DIMT1: variants seen among roughly 807,000 people sequenced by gnomAD.
DIMT1 encodes DIM1 rRNA methyltransferase and ribosome maturation factor.
Under a neutral mutation model 43.2 loss-of-function variants are expected in DIMT1, and 36 were observed. The ratio of observed to expected loss-of-function variants is 0.83; its 90% confidence interval spans 0.64 to 1.10. DIMT1 has a LOEUF of 1.10. Among genes scored for constraint, DIMT1 ranks in the 50% least tolerant of loss-of-function variants. The pLI is 0.00. For missense variants in DIMT1, 341 were observed against 385.3 expected (o/e 0.88, Z 0.96); for synonymous variants, 126 against 130.3 (o/e 0.97, Z 0.22).
At chr5:62,393,905 C>T (rs775193773) in intron 8 of DIMT1, 50 bp downstream of exon 8, 15 of 1,530,048 alleles carry the variant, frequency 9.8e-6, no homozygotes, top group Middle Eastern at 1.9e-4. Flanking sequence ...CACATCTTCC[C>T]GCCTGGACTT....
In DIMT1 at chr5:62,403,560, CA is replaced by C. The variant is rs916095269; in HGVS notation, c.79+133del. 261 of 1,120,502 alleles carry C rather than the reference CA, an allele frequency of 2.3e-4. 1 individual carries two copies. The highest frequency in any genetic ancestry group is 6.6e-4 in the Admixed American group (27 of 41,056). The allele number at this position is 1,120,502 out of a possible 1,614,324, so 69.4% of individuals were successfully genotyped here. ...AGGGCCTGCGGCCGAGTCGGGGACC[CA>C]CCCCTGCCTTCCGCGCTCACGGGAG... On this transcript the variant is annotated intron_variant, in intron 1 of 11. Transcript: ENST00000199320.
At chr5:62,399,006 TTCCTTTAATTATAC>T in intron 3 of DIMT1, 125 bp from the exon 4 acceptor site, 2 of 808,900 alleles carry the variant, frequency 2.5e-6, no homozygotes, top group East Asian at 5.4e-5. Context: ...ACCATCAATA[TTCCTTTAATTATAC>T]TCGCATACTT....
At position 62,388,051 on chromosome 5, in the gene DIMT1, C is replaced by T. The variant is rs999895594; in HGVS notation, c.*959G>A. ...GCACTTAGTATTATATTGACTTAAA[C>T]ATAGTAGCTAATAAAACTAGTTTAT... On this transcript the variant is annotated 3_prime_UTR_variant, in exon 12 of 12. Coordinates refer to ENST00000199320, the MANE Select transcript of DIMT1 (RefSeq NM_014473.4). The T allele has an allele frequency of 6.6e-6, 1 of 152,022 alleles. No homozygotes were observed. The highest frequency in any genetic ancestry group is 2.4e-5 in the African/African-American group (1 of 41,382). The allele number at this position is 152,022 out of a possible 1,614,324, so 9.4% of individuals were successfully genotyped here.
chr5:62,397,629 C>A (rs1426142314), intron 6 of DIMT1, among the ~76,000 whole-genome samples: 6 of 151,670 alleles, frequency 4.0e-5, no homozygotes, highest in Non-Finnish European at 5.9e-5. Flanking sequence ...CTGCTGATTT[C>A]TTTGGGATAT....
At chr5:62,401,961 CAT>C in intron 3 of DIMT1, 73 bp downstream of exon 3, 2 of 1,393,962 alleles carry the variant, frequency 1.4e-6, no homozygotes, top group Non-Finnish European at 2.0e-6. Flanking sequence ...TTAGTTAAAA[CAT>C]ATTTAGATTG....
At chr5:62,398,269 A>T (rs153855) in intron 6 of DIMT1, among the ~76,000 whole-genome samples, 1 of 151,992 alleles carries the variant, frequency 6.6e-6, no homozygotes, top group East Asian at 1.9e-4. Flanking sequence ...TCTAACCTAG[A>T]CTTAACGGCA....
rs1166510019 is a variant in DIMT1 at position 62,394,616 on chromosome 5, A to C, written c.447-9T>G. On this transcript the variant is annotated splice_polypyrimidine_tract_variant and intron_variant, in intron 6 of 11. Coordinates refer to ENST00000199320, the MANE Select transcript of DIMT1 (RefSeq NM_014473.4). ...ACATAAGTATAGCACACCTGAAAAG[A>C]AAGCAGAAAGGAATAAGGAAAATGG... is the stretch of plus-strand genomic sequence containing the variant. 5.0e-6 allele frequency: 8 copies of C among 1,613,618 alleles called. No homozygotes were observed. Among genetic ancestry groups the C allele is most frequent in the African/African-American group, 1.3e-5 (1 of 75,036 alleles).
chr5:62,395,150 G>A (rs1002782625), intron 6 of DIMT1, among the ~76,000 whole-genome samples: 3 of 151,366 alleles, frequency 2.0e-5, no homozygotes, highest in Non-Finnish European at 2.9e-5. Flanking sequence ...TCAGCCTCCC[G>A]AGTAGCTGGG....
Position 62,390,989 on chromosome 5 carries a change from A to G in DIMT1, c.793-7T>C, listed in dbSNP as rs1279434496. The G allele has an allele frequency of 2.5e-6, 4 of 1,608,864 alleles. No homozygotes were observed. Among genetic ancestry groups the G allele is most frequent in the Non-Finnish European group, 3.4e-6 (4 of 1,175,398 alleles). ...TGAAATCTTCTGGTATTATCTATCA[A>G]TATAAGATTCAGAATAAATGAACGA... On this transcript the variant is annotated splice_polypyrimidine_tract_variant and splice_region_variant and intron_variant, in intron 10 of 11. Transcript: ENST00000199320.
chr5:62,398,615 G>A (rs1375728792), intron 5 of DIMT1, 31 bp downstream of exon 5: 1 of 1,612,050 alleles, frequency 6.2e-7, no homozygotes, highest in Middle Eastern at 1.7e-4. Context: ...GGAACAGTTA[G>A]TATGATGTTC....
chr5:62,397,672 G>C (rs796153066), intron 6 of DIMT1, among the ~76,000 whole-genome samples: 3 of 151,142 alleles, frequency 2.0e-5, no homozygotes, highest in African/African-American at 7.3e-5. Flanking sequence ...TTTTTGAGAC[G>C]GAGTCTCGCT....
At chr5:62,393,019 A>G in intron 8 of DIMT1, 29 bp from the exon 9 acceptor site, 12 of 1,522,736 alleles carry the variant, frequency 7.9e-6, no homozygotes, top group Non-Finnish European at 1.1e-5. Flanking sequence ...ATTTTCTTCA[A>G]ATTACAAACT....
chr5:62,397,420 A>G (rs2112047374), intron 6 of DIMT1, among the ~76,000 whole-genome samples: 1 of 152,326 alleles, frequency 6.6e-6, no homozygotes. Flanking sequence ...TTGATTTTGC[A>G]GTCAGAATTG....
intron 2 of DIMT1, 79 bp downstream of exon 2, chr5:62,403,194 C>T: frequency 8.0e-7 from 1 of 1,242,692 alleles, no homozygotes; most frequent in Non-Finnish European, 1.1e-6. Context: ...TTACGGCAGG[C>T]AGACTTTCTG....
chr5:62,394,891 C>G (rs1580123634), intron 6 of DIMT1, among the ~76,000 whole-genome samples: 1 of 152,026 alleles, frequency 6.6e-6, no homozygotes, highest in South Asian at 2.1e-4. Context: ...TCTATGAAAA[C>G]AAAGTGAAAT....
chr5:62,401,572 A>T (rs1308372851), intron 3 of DIMT1, among the ~76,000 whole-genome samples: 4 of 138,818 alleles, frequency 2.9e-5, no homozygotes, highest in African/African-American at 8.0e-5. Flanking sequence ...GAAATATCTC[A>T]TATTTTCCTT....
rs1742394845 is a variant in DIMT1 at position 62,394,017 on chromosome 5, TG to T, written c.600del (p.Lys201ArgfsTer7). ...KVGKNNFRPP[P>X]KVESSVVRIE... is the part of the protein sequence containing the mutation. Reference sequence around the variant, plus strand: ...ATCCTTACAACACTGGATTCCACCTTGGGCGGTGGTCTGAAGTTATTCTTTC... The same window carrying T: ...ATCCTTACAACACTGGATTCCACCTTGGCGGTGGTCTGAAGTTATTCTTTC... On this transcript the variant is annotated frameshift_variant, in exon 8 of 12. Transcript: ENST00000199320. LOFTEE classifies it high-confidence loss of function. 1 of 1,611,972 alleles carries T rather than the reference TG, an allele frequency of 6.2e-7. No individual in the cohort carries two copies.
At chr5:62,403,553 G>A in intron 1 of DIMT1, 141 bp downstream of exon 1, 1 of 1,064,080 alleles carries the variant, frequency 9.4e-7, no homozygotes, top group Non-Finnish European at 1.4e-6. Flanking sequence ...CGGCCGAGTC[G>A]GGGACCCACC....
At chr5:62,397,090 T>C (rs927375658) in intron 6 of DIMT1, among the ~76,000 whole-genome samples, 1 of 151,972 alleles carries the variant, frequency 6.6e-6, no homozygotes, top group Admixed American at 6.6e-5. Flanking sequence ...GCTGGGATTA[T>C]AGGTGCCCAC....
Sources: allele counts gnomAD v4.1 joint callset (sites outside exome capture counted in the v4.1 genomes callset), GRCh38; gene constraint gnomAD v4.1.1; transcripts MANE v1.5; gene names NCBI Gene and HGNC (gene_info 2026-07-23, HGNC 2026-07-21).